Variants in RASAL2 observed in about 807,000 individuals in gnomAD.
RASAL2 encodes the protein ras GTPase-activating protein nGAP.
In RASAL2, 58 loss-of-function variants were observed where a neutral mutation model predicts 128.9. The observed-to-expected ratio is 0.45, with a 90% CI of 0.36 to 0.56. The LOEUF is 0.56. RASAL2 is among the 20% of genes least tolerant of loss of function. The probability of loss-of-function intolerance (pLI) is 0.00; values close to 1 mark genes in which losing one functional copy is unlikely to be tolerated. For missense variants in RASAL2, 1,360 were observed against 1,601.6 expected, an observed-to-expected ratio of 0.85 and a Z score of 2.57; for synonymous variants, 561 against 580.8, an observed-to-expected ratio of 0.97 and a Z score of 0.49.
chr1:178,287,714 AC>A lies in RASAL2; in HGVS notation c.330+4025del, dbSNP rs199963097. Among the ~76,000 whole-genome samples the A allele has an allele frequency of 4.6e-5, 7 of 152,296 alleles. No individual in the cohort carries two copies. In the East Asian group the frequency reaches 1.4e-3, roughly 29 times the overall value. ...TGAAGCAAACTGGAAGAAACTGGAGACCATTATTCTATGAAGTAACTCAGGA... is the reference window on the plus strand; with the variant it reads ...TGAAGCAAACTGGAAGAAACTGGAGACATTATTCTATGAAGTAACTCAGGA... On this transcript the variant is annotated intron_variant, in intron 2 of 17. Transcript: ENST00000367649.
At chr1:178,185,545 G>A (rs1662262912) in intron 1 of RASAL2, among the ~76,000 whole-genome samples, 1 of 151,242 alleles carries the variant, frequency 6.6e-6, no homozygotes, top group Non-Finnish European at 1.5e-5. Context: ...AAGAAGGTTT[G>A]TTAACATAGA....
intron 1 of RASAL2, among the ~76,000 whole-genome samples, chr1:178,144,448 C>T (rs752667189): frequency 6.6e-5 from 10 of 152,266 alleles, no homozygotes; most frequent in Admixed American, 1.3e-4. Context: ...AAAATTGTTT[C>T]TCTTTCCTCC....
chr1:178,203,625 T>C (rs1662945960), intron 1 of RASAL2, among the ~76,000 whole-genome samples: 1 of 152,212 alleles, frequency 6.6e-6, no homozygotes, highest in African/African-American at 2.4e-5. Flanking sequence ...GGAAGAACAC[T>C]GCCACCAGGA....
intron 1 of RASAL2, among the ~76,000 whole-genome samples, chr1:178,134,639 A>T (rs1558072919): frequency 6.6e-6 from 1 of 152,090 alleles, no homozygotes; most frequent in East Asian, 1.9e-4. Flanking sequence ...CACAATTCTG[A>T]CTCTGCTCAG....
At chr1:178,299,309 T>C (rs1330149001) in intron 2 of RASAL2, among the ~76,000 whole-genome samples, 1 of 152,216 alleles carries the variant, frequency 6.6e-6, no homozygotes, top group Non-Finnish European at 1.5e-5. Context: ...GATCAACTTT[T>C]ATTTCCATTT....
At chr1:178,342,650 A>G (rs929379024) in intron 3 of RASAL2, among the ~76,000 whole-genome samples, 5 of 152,182 alleles carry the variant, frequency 3.3e-5, no homozygotes, top group African/African-American at 1.2e-4. Flanking sequence ...TAGGACATCA[A>G]TTTTCTGTAT....
At chr1:178,353,096 T>G (rs1396416686) in intron 3 of RASAL2, among the ~76,000 whole-genome samples, 3 of 152,254 alleles carry the variant, frequency 2.0e-5, no homozygotes, top group Non-Finnish European at 4.4e-5. Context: ...GGCACCTTTT[T>G]ACTTATGCAA....
chr1:178,253,284 G>T lies in RASAL2; in HGVS notation c.203-30280G>T, dbSNP rs143098509. The stretch of plus-strand genomic sequence containing the variant: ...TAATGATTTGGGTGATTAGATTTCA[G>T]ACTCACCGTACTCCAATATGACTTT... On this transcript the variant is annotated intron_variant, in intron 1 of 17. Transcript: ENST00000367649. Among the ~76,000 whole-genome samples the T allele has an allele frequency of 1.4e-3, 206 of 152,158 alleles. 3 individuals carry two copies. In the East Asian group the frequency reaches 0.037, roughly 27 times the overall value.
In RASAL2 at chr1:178,456,839, C is replaced by G; in HGVS notation, c.2330C>G (p.Pro777Arg). The G allele has an allele frequency of 6.2e-7, 1 of 1,614,138 alleles. No homozygotes were observed. The highest frequency in any genetic ancestry group is 1.1e-5 in the South Asian group (1 of 91,072). ...LRRFTEHNSSPNVSGSLSSGL... is the reference protein window; with the variant it reads ...LRRFTEHNSSRNVSGSLSSGL... ...CGCTTCACTGAACATAACTCCAGTC[C>G]AAATGTCAGTGGAAGCCTCTCCTCT... Residue 777 changes from proline to arginine, a missense_variant, in exon 13 of 18, where the codon CCA (proline) becomes CGA (arginine). Pro to Arg is a moderately radical substitution (Grantham distance 103, BLOSUM62 -2). This residue lies in a region of RASAL2 where 741 missense variants were observed against 868.6 expected (regional missense o/e 0.85). Coordinates refer to ENST00000367649, the MANE Select transcript of RASAL2 (RefSeq NM_170692.4).
At chr1:178,431,911 AT>A (rs1395063732) in intron 5 of RASAL2, among the ~76,000 whole-genome samples, 1 of 148,882 alleles carries the variant, frequency 6.7e-6, no homozygotes, top group Non-Finnish European at 1.5e-5. Flanking sequence ...TGTTATATAA[AT>A]ATATGTAATA....
chr1:178,105,291 A>G (rs777538516), intron 1 of RASAL2, among the ~76,000 whole-genome samples: 1 of 152,234 alleles, frequency 6.6e-6, no homozygotes, highest in Non-Finnish European at 1.5e-5. Context: ...GGAAAAAATC[A>G]TATTTTATAT....
chr1:178,094,131 C>A lies in RASAL2; in HGVS notation c.-362C>A. 3.7e-6 allele frequency: 1 copy of A among 272,824 alleles called. No homozygotes were observed. The allele number at this position is 272,824 out of a possible 1,614,324, so 16.9% of individuals were successfully genotyped here. A position where few individuals can be genotyped will look rare whatever the true frequency, so the allele number is the denominator to read the frequency against. On this transcript the variant is annotated 5_prime_UTR_variant, in exon 1 of 18. Coordinates refer to ENST00000367649, the MANE Select transcript of RASAL2 (RefSeq NM_170692.4). ...AGCCTGGTCTGACCGCGAGAGACGC[C>A]GGCGGGGCTGAAGAAGGCGGCTCCG... is the stretch of plus-strand genomic sequence containing the variant.
intron 2 of RASAL2, among the ~76,000 whole-genome samples, chr1:178,289,832 G>A (rs775155027): frequency 2.3e-4 from 35 of 152,204 alleles, no homozygotes; most frequent in Non-Finnish European, 4.1e-4. Context: ...TGTCTTCATC[G>A]TTATTTCATG....
At chr1:178,282,858 A>G (rs1666848942) in intron 1 of RASAL2, among the ~76,000 whole-genome samples, 1 of 152,184 alleles carries the variant, frequency 6.6e-6, no homozygotes, top group Admixed American at 6.5e-5. Flanking sequence ...AAATGAGTAA[A>G]CATTTTATAT....
chr1:178,407,518 G>C (rs1382780494), intron 4 of RASAL2, among the ~76,000 whole-genome samples: 1 of 152,132 alleles, frequency 6.6e-6, no homozygotes. Flanking sequence ...ACTAAAACTT[G>C]AAAAGCAAGA....
At chr1:178,372,213 C>G (rs930104998) in intron 3 of RASAL2, 5 of 985,174 alleles carry the variant, frequency 5.1e-6, no homozygotes, top group African/African-American at 1.7e-5. Context: ...TAATTGTGCT[C>G]TGTATGGAAA....
At chr1:178,233,534 G>A (rs1459877001) in intron 1 of RASAL2, among the ~76,000 whole-genome samples, 2 of 152,188 alleles carry the variant, frequency 1.3e-5, no homozygotes, top group Admixed American at 6.5e-5. Context: ...GGGAGAGATT[G>A]CAGAGTAATA....
At chr1:178,142,395 ATGTTTTAAGAACTTGTTGATATTTGGCT>A (rs1277986481) in intron 1 of RASAL2, among the ~76,000 whole-genome samples, 10 of 152,102 alleles carry the variant, frequency 6.6e-5, no homozygotes, top group African/African-American at 2.4e-4. Flanking sequence ...GTTCCCTGTA[ATGTTTTAAGAACTTGTTGATATTTGGCT>A]AAGGAGGTGA....
intron 1 of RASAL2, among the ~76,000 whole-genome samples, chr1:178,169,738 A>C (rs764409371): frequency 2.0e-5 from 3 of 151,984 alleles, no homozygotes; most frequent in Non-Finnish European, 4.4e-5. Context: ...TTGCATTTCT[A>C]TTTAGAGCCT....
Sources: allele counts gnomAD v4.1 joint callset (sites outside exome capture counted in the v4.1 genomes callset), GRCh38; gene constraint gnomAD v4.1.1; regional missense constraint gnomAD v4.1.1; transcripts MANE v1.5; gene names NCBI Gene and HGNC (gene_info 2026-07-23, HGNC 2026-07-21).